VAV2: variants seen among roughly 807,000 people sequenced by gnomAD.
VAV2 encodes vav guanine nucleotide exchange factor 2.
Under a neutral mutation model 132.5 loss-of-function variants are expected in VAV2, and 67 were observed. The ratio of observed to expected loss-of-function variants is 0.51; its 90% CI spans 0.42 to 0.62. VAV2 has a LOEUF of 0.62. Among genes scored for constraint, VAV2 ranks in the 20% least tolerant of loss-of-function variants. The probability of loss-of-function intolerance (pLI) is 0.00; values close to 1 mark genes in which losing one functional copy is unlikely to be tolerated. For synonymous variants in VAV2, 492 were observed against 443.5 expected (o/e 1.11, Z -1.37); for missense variants, 938 against 1,153.6 (o/e 0.81, Z 2.71).
At chr9:133,890,885 C>T (rs372623094) in intron 2 of VAV2, among the ~76,000 whole-genome samples, 36 of 152,192 alleles carry the variant, frequency 2.4e-4, no homozygotes, top group East Asian at 1.8e-3. Context: ...GTGGGCACTA[C>T]GGAGGGGCAT....
intron 3 of VAV2, among the ~76,000 whole-genome samples, chr9:133,837,712 T>TAA (rs760333067): frequency 1.6e-5 from 2 of 124,656 alleles, no homozygotes; most frequent in Non-Finnish European, 1.8e-5. Context: ...AAAAATAAAT[T>TAA]AAAAAAAAAA....
intron 1 of VAV2, among the ~76,000 whole-genome samples, chr9:133,960,259 C>T (rs891415998): frequency 6.6e-6 from 1 of 152,202 alleles, no homozygotes; most frequent in African/African-American, 2.4e-5. Context: ...GGGCGCCCTC[C>T]GGGACCAAGC....
chr9:133,861,073 G>A (rs1837574849), intron 3 of VAV2: 1 of 334,588 alleles, frequency 3.0e-6, no homozygotes, highest in East Asian at 5.5e-5. Context: ...TGTGGAGAGT[G>A]CATTTAGGTA....
At chr9:133,856,175 T>A (rs541449363) in intron 3 of VAV2, among the ~76,000 whole-genome samples, 1 of 152,300 alleles carries the variant, frequency 6.6e-6, no homozygotes, top group East Asian at 1.9e-4. Flanking sequence ...GGTTTCTTCC[T>A]GGGGTGTGAA....
In VAV2 at chr9:133,928,167, C is replaced by T. The variant is rs1296919357; in HGVS notation, c.321+10936G>A. ...GGTCAGCATCCGATGGGCTTACCGA[C>T]TCCGTGTGTGTGTGTGTGTGTGCGT... On this transcript the variant is annotated intron_variant, in intron 2 of 29. Coordinates refer to ENST00000371850, the MANE Select transcript of VAV2 (RefSeq NM_001134398.2). The surrounding 1 kb of genome is among the most constrained non-coding windows in gnomAD (Gnocchi z 5.4). Among the ~76,000 whole-genome samples the T allele has an allele frequency of 5.2e-5, 3 of 58,124 alleles. No homozygotes were observed. Among genetic ancestry groups the T allele is most frequent in the African/African-American group, 1.2e-4 (3 of 24,840 alleles). The allele number at this position is 58,124 out of a possible 152,430, so 38.1% of individuals were successfully genotyped here.
At chr9:133,786,083 G>GTATGCATGCATGT (rs1270685538) in intron 16 of VAV2, 198 bp from the exon 17 acceptor site, 17 of 630,124 alleles carry the variant, frequency 2.7e-5, no homozygotes, top group Non-Finnish European at 3.8e-5. Flanking sequence ...ACGTGCCTCT[G>GTATGCATGCATGT]TATGCATGCA....
At chr9:133,783,182 T>C (rs1834071396) in intron 19 of VAV2, among the ~76,000 whole-genome samples, 1 of 152,150 alleles carries the variant, frequency 6.6e-6, no homozygotes, top group Non-Finnish European at 1.5e-5. Flanking sequence ...CTGTTGAGAA[T>C]GTTCTGTGCC....
intron 1 of VAV2, among the ~76,000 whole-genome samples, chr9:133,966,013 A>AC (rs1388967342): frequency 6.6e-6 from 1 of 152,214 alleles, no homozygotes; most frequent in East Asian, 1.9e-4. Context: ...CAACAAAGGC[A>AC]CCAAGAACAT....
intron 3 of VAV2, among the ~76,000 whole-genome samples, chr9:133,835,452 C>G (rs58338681): frequency 0.049 from 7,412 of 152,166 alleles, 580 homozygotes; most frequent in African/African-American, 0.17. Context: ...GCAGATCAAA[C>G]ACCCAGAAGA....
chr9:133,951,946 G>C (rs924991616), intron 1 of VAV2, among the ~76,000 whole-genome samples: 2 of 152,218 alleles, frequency 1.3e-5, no homozygotes, highest in African/African-American at 4.8e-5. Flanking sequence ...GTGCCAGCGT[G>C]GTCAGGTTCC....
intron 2 of VAV2, among the ~76,000 whole-genome samples, chr9:133,916,507 C>A (rs1448076913): frequency 1.3e-5 from 2 of 152,042 alleles, no homozygotes; most frequent in Non-Finnish European, 2.9e-5. Flanking sequence ...AGTGCTGGGA[C>A]TCTTGCTGGG....
chr9:133,894,875 G>C (rs1485901782), intron 2 of VAV2, among the ~76,000 whole-genome samples: 1 of 152,142 alleles, frequency 6.6e-6, no homozygotes, highest in Non-Finnish European at 1.5e-5. Flanking sequence ...CCAGAGCTGA[G>C]CACTCTGCTA....
rs140877645 is a variant in VAV2, at chr9:133,785,795, C to G, written c.1513G>C (p.Glu505Gln). ...KTEDMKRKWMEQFEMAMSNIK... is the reference protein window; with the variant it reads ...KTEDMKRKWMQQFEMAMSNIK... Reference sequence around the variant, plus strand: ...ACTCACATGGCCATCTCAAACTGCTCCATCCACTTCCTCTTCATATCTTCT... The same window carrying G: ...ACTCACATGGCCATCTCAAACTGCTGCATCCACTTCCTCTTCATATCTTCT... Residue 505 changes from glutamate (E) to glutamine (Q), a missense_variant, in exon 17 of 30, where the codon GAG (glutamate) becomes CAG (glutamine). Transcript: ENST00000371850. 143 of 1,613,974 alleles carry G rather than the reference C, an allele frequency of 8.9e-5. No individual in the cohort carries two copies. The highest frequency in any genetic ancestry group is 5.0e-4 in the Middle Eastern group (3 of 5,982).
intron 9 of VAV2, 98 bp from the exon 10 acceptor site, chr9:133,797,907 G>A (rs1489211677): frequency 3.9e-6 from 4 of 1,037,018 alleles, no homozygotes; most frequent in Middle Eastern, 2.0e-4. Flanking sequence ...CTGTAGGTGC[G>A]CAACCAACAG....
intron 4 of VAV2, among the ~76,000 whole-genome samples, chr9:133,813,271 C>T (rs181432042): frequency 3.9e-5 from 6 of 152,350 alleles, no homozygotes; most frequent in Non-Finnish European, 7.3e-5. Flanking sequence ...GCTAGAAGGA[C>T]GGAAATAAAT....
intron 5 of VAV2, among the ~76,000 whole-genome samples, chr9:133,810,785 T>C (rs1174434908): frequency 6.6e-6 from 1 of 152,108 alleles, no homozygotes; most frequent in Non-Finnish European, 1.5e-5. Flanking sequence ...GAGCACCCAC[T>C]CTCACCAGGC....
At chr9:133,843,590 C>T (rs1169646796) in intron 3 of VAV2, among the ~76,000 whole-genome samples, 1 of 152,170 alleles carries the variant, frequency 6.6e-6, no homozygotes, top group Non-Finnish European at 1.5e-5. Flanking sequence ...GGCCCTACAC[C>T]CCCTGGCCTC....
intron 9 of VAV2, among the ~76,000 whole-genome samples, chr9:133,803,027 A>G (rs1382140344): frequency 6.6e-6 from 1 of 152,128 alleles, no homozygotes; most frequent in African/African-American, 2.4e-5. Flanking sequence ...TTTGAGGTGG[A>G]CCATGACCGG....
At chr9:133,950,596 C>T (rs944646300) in intron 1 of VAV2, among the ~76,000 whole-genome samples, 1 of 152,160 alleles carries the variant, frequency 6.6e-6, no homozygotes, top group African/African-American at 2.4e-5. Context: ...CAGTAAATTG[C>T]TTTTCTAGTA....
Sources: gnomAD v4.1 joint callset for allele counts (sites outside exome capture counted in the v4.1 genomes callset) on GRCh38, gnomAD v4.1.1 for gene constraint, Gnocchi (gnomAD v3.1) non-coding constraint, MANE v1.5 for transcripts, NCBI Gene and HGNC (gene_info 2026-07-23, HGNC 2026-07-21) for gene names.